FREM1: variants seen among roughly 807,000 people sequenced by gnomAD.
The protein encoded by FREM1 is FRAS1-related extracellular matrix protein 1.
FREM1 carries 220 observed loss-of-function variants against 210.1 expected under a neutral mutation model. The ratio of observed to expected loss-of-function variants is 1.05; its 90% CI spans 0.94 to 1.17. FREM1 has a LOEUF of 1.17. Ranked by LOEUF, FREM1 falls within the 50% of genes most tolerant of loss-of-function variation. The probability of loss-of-function intolerance (pLI) is 0.00; values close to 1 mark genes in which losing one functional copy is unlikely to be tolerated. For missense variants in FREM1, 3,454 were observed against 2,675.5 expected (o/e 1.29, Z -6.42); for synonymous variants, 1,189 against 980.2 (o/e 1.21, Z -3.98).
chr9:14,754,084 A>G (rs1843844542), intron 29 of FREM1, among the ~76,000 whole-genome samples: 1 of 152,214 alleles, frequency 6.6e-6, no homozygotes, highest in Non-Finnish European at 1.5e-5. Context: ...CTATCAGTCC[A>G]AACAGAGCAC....
intron 2 of FREM1, 36 bp from the exon 3 acceptor site, chr9:14,863,939 G>A: frequency 7.6e-7 from 1 of 1,310,014 alleles, no homozygotes. Flanking sequence ...ATATCTATGA[G>A]AAAATTGGTA....
At chr9:14,843,485 TCATA>T (rs1826041201) in intron 8 of FREM1, among the ~76,000 whole-genome samples, 1 of 113,850 alleles carries the variant, frequency 8.8e-6, no homozygotes, top group South Asian at 3.9e-4. Flanking sequence ...ATAAATCACC[TCATA>T]GATAGATAGG....
In FREM1 at chr9:14,777,406, C is replaced by T. The variant is rs145608630; in HGVS notation, c.4443-1203G>A. ...AAAAAGTTAGGAAATCGTTACTATC[C>T]AATGGGACTGACAAATTCACTGTAC... On this transcript the variant is annotated intron_variant, in intron 24 of 36. Transcript: ENST00000380880. Among the ~76,000 whole-genome samples, 357 of 152,076 alleles carry T rather than the reference C, an allele frequency of 2.3e-3. 2 individuals are homozygous for T. The highest frequency in any genetic ancestry group is 8.1e-3 in the African/African-American group (334 of 41,464).
intron 1 of FREM1, among the ~76,000 whole-genome samples, chr9:14,875,748 G>A (rs1158710380): frequency 4.6e-5 from 7 of 152,058 alleles, no homozygotes; most frequent in Admixed American, 2.6e-4. Flanking sequence ...GAGGAGAGGC[G>A]CTCTGCTTTT....
chr9:14,761,361 C>T (rs1055995984), intron 27 of FREM1, among the ~76,000 whole-genome samples: 3 of 152,140 alleles, frequency 2.0e-5, no homozygotes, highest in African/African-American at 7.2e-5. Flanking sequence ...TCTATATAAA[C>T]ATACCTGTTT....
chr9:14,860,602 C>CAT (rs1829723179), intron 3 of FREM1, among the ~76,000 whole-genome samples: 1 of 99,712 alleles, frequency 1.0e-5, no homozygotes, highest in African/African-American at 4.3e-5. Context: ...TACATATATA[C>CAT]ACATATATAC....
rs373924233 is a variant in FREM1 at position 14,806,677 on chromosome 9, A to G, written c.3258T>C (p.Asn1086=). The change falls in exon 18 of 37, where the codon AAT becomes AAC. Residue 1086 remains asparagine (N), a synonymous_variant. Transcript: ENST00000380880. ...ACAGCTTACCTATACTTATGCCAAT[A>G]TTGCTTTTTTCAAAACCCACAGAAG... The part of the protein sequence containing the change: ...ILPSVGFEKS[N]IGISIDSFQW... 3 of 1,593,254 alleles carry G rather than the reference A, an allele frequency of 1.9e-6. No individual in the cohort carries two copies. The highest frequency in any genetic ancestry group is 2.6e-6 in the Non-Finnish European group (3 of 1,167,072).
chr9:14,877,649 A>C (rs528062755), intron 1 of FREM1, among the ~76,000 whole-genome samples: 1 of 152,114 alleles, frequency 6.6e-6, no homozygotes, highest in Non-Finnish European at 1.5e-5. Flanking sequence ...CTCCTGCTGA[A>C]CATGAAGAAG....
chr9:14,807,495 C>T (rs1818591573), intron 17 of FREM1, among the ~76,000 whole-genome samples: 1 of 152,006 alleles, frequency 6.6e-6, no homozygotes, highest in Non-Finnish European at 1.5e-5. Flanking sequence ...TTCTAAAAAG[C>T]AAATAAGGTT....
chr9:14,746,283 C>T, intron 35 of FREM1, 70 bp downstream of exon 35: 1 of 1,160,628 alleles, frequency 8.6e-7, no homozygotes, highest in Non-Finnish European at 1.3e-6. Context: ...AAGCAGCTCT[C>T]CGCTTCCATG....
chr9:14,796,128 C>T (rs146228930), intron 21 of FREM1, among the ~76,000 whole-genome samples: 213 of 152,264 alleles, frequency 1.4e-3, no homozygotes, highest in African/African-American at 4.9e-3. Flanking sequence ...TTTTAAGAAC[C>T]TTATCAGTGG....
chr9:14,828,820 G>C (rs918121810), intron 10 of FREM1, among the ~76,000 whole-genome samples: 3 of 152,112 alleles, frequency 2.0e-5, no homozygotes, highest in African/African-American at 7.2e-5. Flanking sequence ...TTACAAATGA[G>C]TCTCTCTCCC....
In FREM1 at chr9:14,805,167, G is replaced by A. The variant is rs551654111; in HGVS notation, c.3275-15C>T. On this transcript the variant is annotated splice_polypyrimidine_tract_variant and intron_variant, in intron 18 of 36. Transcript: ENST00000380880. Reference sequence around the variant, plus strand: ...CTGAAATGAATCTAGAGCACACCAAGATGGAACAGATAAATAAAAAAAAAA... The same window carrying A: ...CTGAAATGAATCTAGAGCACACCAAAATGGAACAGATAAATAAAAAAAAAA... 6.8e-7 allele frequency: 1 copy of A among 1,460,052 alleles called. No homozygotes were observed. Among genetic ancestry groups the A allele is most frequent in the South Asian group, 1.6e-5 (1 of 60,854 alleles). The allele number at this position is 1,460,052 out of a possible 1,614,324, so 90.4% of individuals were successfully genotyped here.
intron 13 of FREM1, among the ~76,000 whole-genome samples, chr9:14,820,078 T>C (rs1264503804): frequency 6.6e-6 from 1 of 152,256 alleles, no homozygotes; most frequent in African/African-American, 2.4e-5. Flanking sequence ...TAATAATTCA[T>C]TTGTAAGTTA....
At chr9:14,826,079 A>G (rs556031092) in intron 10 of FREM1, among the ~76,000 whole-genome samples, 1 of 150,358 alleles carries the variant, frequency 6.7e-6, no homozygotes, top group Non-Finnish European at 1.5e-5. Flanking sequence ...AAGACTTTCA[A>G]TATACACTCT....
intron 20 of FREM1, 127 bp from the exon 21 acceptor site, chr9:14,797,769 T>C (rs1852723386): frequency 3.2e-6 from 2 of 634,526 alleles, no homozygotes; most frequent in Non-Finnish European, 5.1e-6. Flanking sequence ...TGCAGTAGGG[T>C]GAAATTAAAC....
At chr9:14,851,175 C>G (rs1827669310) in intron 6 of FREM1, 109 bp downstream of exon 6, 1 of 811,680 alleles carries the variant, frequency 1.2e-6, no homozygotes. Flanking sequence ...GTGATTGATT[C>G]TTTTCTGAGG....
chr9:14,880,681 CT>C (rs1834637877), intron 1 of FREM1, among the ~76,000 whole-genome samples: 1 of 149,248 alleles, frequency 6.7e-6, no homozygotes, highest in African/African-American at 2.5e-5. Flanking sequence ...TAAACAGAAA[CT>C]TTGAAACAAA....
At chr9:14,898,666 C>T (rs184107930) in intron 1 of FREM1, among the ~76,000 whole-genome samples, 2,333 of 152,234 alleles carry the variant, frequency 0.015, 27 homozygotes, top group African/African-American at 0.033. Context: ...CGCTTGAACC[C>T]AAGAGGCGGA....
Sources: gnomAD v4.1 joint callset for allele counts (sites outside exome capture counted in the v4.1 genomes callset) on GRCh38, gnomAD v4.1.1 for gene constraint, MANE v1.5 for transcripts, NCBI Gene and HGNC (gene_info 2026-07-23, HGNC 2026-07-21) for gene names.